HS3ST5: variants seen among roughly 807,000 people sequenced by gnomAD.
HS3ST5 encodes heparan sulfate-glucosamine 3-sulfotransferase 5, also known as heparan sulfate glucosamine 3-O-sulfotransferase 5.
A neutral mutation model predicts 25.4 loss-of-function variants in HS3ST5; 10 were observed. The observed-to-expected ratio is 0.39, with a 90% CI of 0.24 to 0.67. The LOEUF is 0.67. Ranked by LOEUF, HS3ST5 falls within the 30% of genes least tolerant of loss-of-function variation. HS3ST5 has a pLI of 0.44. For synonymous variants in HS3ST5, 170 were observed against 162.4 expected (o/e 1.05, Z -0.36); for missense variants, 324 against 420.7 (o/e 0.77, Z 2.01).
At chr6:114,101,438 A>G (rs1775724084) in intron 3 of HS3ST5, among the ~76,000 whole-genome samples, 1 of 152,208 alleles carries the variant, frequency 6.6e-6, no homozygotes, top group Non-Finnish European at 1.5e-5. Flanking sequence ...CCACGTGGTT[A>G]AAAAATTTTG....
intron 1 of HS3ST5, among the ~76,000 whole-genome samples, chr6:114,294,609 C>T (rs1266486752): frequency 1.3e-5 from 2 of 152,052 alleles, no homozygotes; most frequent in African/African-American, 4.8e-5. Flanking sequence ...CTGCGCCCAG[C>T]TAATTTTCTG....
intron 4 of HS3ST5, among the ~76,000 whole-genome samples, chr6:114,060,118 A>G (rs1562179001): frequency 6.6e-6 from 1 of 151,954 alleles, no homozygotes. Flanking sequence ...GGTTCAAGAG[A>G]TTCTCCTGCC....
At chr6:114,123,632 C>T (rs141836770) in intron 3 of HS3ST5, among the ~76,000 whole-genome samples, 68 of 152,300 alleles carry the variant, frequency 4.5e-4, no homozygotes, top group African/African-American at 1.5e-3. Flanking sequence ...TCCACAATCC[C>T]ATTCAGCATG....
chr6:114,129,837 T>C (rs965827862), intron 3 of HS3ST5, among the ~76,000 whole-genome samples: 1 of 152,330 alleles, frequency 6.6e-6, no homozygotes, highest in Non-Finnish European at 1.5e-5. Flanking sequence ...CTCAAACATA[T>C]AGGATAATTC....
At chr6:114,327,984 T>G (rs530220191) in intron 1 of HS3ST5, among the ~76,000 whole-genome samples, 1 of 152,100 alleles carries the variant, frequency 6.6e-6, no homozygotes, top group Non-Finnish European at 1.5e-5. Context: ...GGCTCACACT[T>G]AGTAAGAACT....
At chr6:114,061,412 T>C (rs188096504) in intron 4 of HS3ST5, among the ~76,000 whole-genome samples, 1 of 152,202 alleles carries the variant, frequency 6.6e-6, no homozygotes, top group Admixed American at 6.5e-5. Context: ...GAATTTTGAA[T>C]TGAGAAGCAT....
chr6:114,080,092 A>G (rs1486830872), intron 3 of HS3ST5, among the ~76,000 whole-genome samples: 8 of 152,152 alleles, frequency 5.3e-5, no homozygotes, highest in African/African-American at 1.7e-4. Context: ...TGTACTTCTT[A>G]AATAATAAGA....
intron 3 of HS3ST5, chr6:114,084,563 T>A: frequency 1.3e-6 from 1 of 762,934 alleles, no homozygotes; most frequent in Non-Finnish European, 2.4e-6. Flanking sequence ...GCTCCCTCGT[T>A]GTTGCACGGG....
intron 3 of HS3ST5, among the ~76,000 whole-genome samples, chr6:114,125,886 G>A (rs1777014237): frequency 6.6e-6 from 1 of 152,168 alleles, no homozygotes; most frequent in Non-Finnish European, 1.5e-5. Context: ...GCTCTCTTTT[G>A]AAGTGAAATA....
chr6:114,260,240 C>T lies in HS3ST5; in HGVS notation c.-338-31462G>A, dbSNP rs534762111. ...TATTCTAATATGGCAAACTATATATCGCTTTGATGAACATAACAACAGTTA... is the reference window on the plus strand; with the variant it reads ...TATTCTAATATGGCAAACTATATATTGCTTTGATGAACATAACAACAGTTA... On this transcript the variant is annotated intron_variant, in intron 1 of 4. Transcript: ENST00000312719. 4.6e-5 allele frequency among the ~76,000 whole-genome samples: 7 copies of T among 152,076 alleles called. No homozygotes were observed. The East Asian group carries it at 1.4e-3, about 29-fold the overall frequency.
At chr6:114,198,225 C>G (rs1455194895) in intron 2 of HS3ST5, among the ~76,000 whole-genome samples, 1 of 151,774 alleles carries the variant, frequency 6.6e-6, no homozygotes, top group Non-Finnish European at 1.5e-5. Context: ...TCAACCCAGT[C>G]AGACAAAAAT....
In HS3ST5 at chr6:114,300,102, CT is replaced by C. The variant is rs954153773; in HGVS notation, c.-339+42092del. On this transcript the variant is annotated intron_variant, in intron 1 of 4. Transcript: ENST00000312719. Reference sequence around the variant, plus strand: ...TAATATGCCTAGTATTTTAGGCAGTCTTTTTTTTTTTAGATATGACACCAAA... The same window carrying C: ...TAATATGCCTAGTATTTTAGGCAGTCTTTTTTTTTTAGATATGACACCAAA... Among the ~76,000 whole-genome samples, 1,263 of 142,552 alleles carry C rather than the reference CT, an allele frequency of 8.9e-3. 13 individuals are homozygous for C. The highest frequency in any genetic ancestry group is 0.027 in the African/African-American group (1,050 of 39,182). 93.5% of individuals were successfully genotyped at this position (142,552 alleles called of 152,430 possible).
intron 1 of HS3ST5, among the ~76,000 whole-genome samples, chr6:114,294,796 T>TA (rs1298113517): frequency 2.6e-5 from 4 of 152,224 alleles, no homozygotes; most frequent in Admixed American, 2.6e-4. Flanking sequence ...ATCACTGATT[T>TA]TGTTTCACTA....
At chr6:114,311,539 CTTTT>C (rs11463610) in intron 1 of HS3ST5, among the ~76,000 whole-genome samples, 3 of 84,880 alleles carry the variant, frequency 3.5e-5, no homozygotes, top group African/African-American at 4.6e-5. Context: ...TTCTCTCTCT[CTTTT>C]TTTTTTTTTT....
chr6:114,154,019 GA>G (rs1247462655), intron 3 of HS3ST5, among the ~76,000 whole-genome samples: 1 of 152,172 alleles, frequency 6.6e-6, no homozygotes, highest in African/African-American at 2.4e-5. Context: ...GAGCAGAGAG[GA>G]TCACAGGAAG....
intron 3 of HS3ST5, among the ~76,000 whole-genome samples, chr6:114,099,094 A>G (rs937495440): frequency 1.3e-5 from 2 of 152,144 alleles, no homozygotes; most frequent in Admixed American, 1.3e-4. Flanking sequence ...AAGATCTCTG[A>G]GTCAGCGCTA....
intron 1 of HS3ST5, among the ~76,000 whole-genome samples, chr6:114,255,148 C>A (rs1354046357): frequency 6.6e-6 from 1 of 152,104 alleles, no homozygotes; most frequent in Non-Finnish European, 1.5e-5. Context: ...AATAATATAC[C>A]CATTTTAAAT....
At chr6:114,075,796 A>G (rs757242920) in intron 3 of HS3ST5, among the ~76,000 whole-genome samples, 33 of 152,140 alleles carry the variant, frequency 2.2e-4, no homozygotes, top group Non-Finnish European at 3.8e-4. Flanking sequence ...AACCCTTCAC[A>G]TCTTCTTACA....
intron 3 of HS3ST5, among the ~76,000 whole-genome samples, chr6:114,097,722 C>T (rs919065064): frequency 6.6e-6 from 1 of 151,644 alleles, no homozygotes; most frequent in African/African-American, 2.4e-5. Flanking sequence ...AGGTAATTTT[C>T]CTGAGCTCTA....
Sources: gnomAD v4.1 joint callset for allele counts (sites outside exome capture counted in the v4.1 genomes callset) on GRCh38, gnomAD v4.1.1 for gene constraint, MANE v1.5 for transcripts, NCBI Gene and HGNC (gene_info 2026-07-23, HGNC 2026-07-21) for gene names.